The following MAP4K4 variants were observed in gnomAD, a reference collection of about 807,000 sequenced individuals.
MAP4K4 encodes the protein mitogen-activated protein kinase kinase kinase kinase 4, also known as HPK/GCK-like kinase HGK.
In MAP4K4, 38 loss-of-function variants were observed where a neutral mutation model predicts 189.6. That is an observed-to-expected ratio of 0.20 (90% CI 0.15 to 0.26). The LOEUF (loss-of-function observed/expected upper bound fraction) is 0.26. Ranked by LOEUF, MAP4K4 falls within the 10% of genes least tolerant of loss-of-function variation. The probability of loss-of-function intolerance (pLI) is 1.00; values close to 1 mark genes in which losing one functional copy is unlikely to be tolerated. For missense variants in MAP4K4, 1,054 were observed against 1,726.9 expected (o/e 0.61, Z 6.91); for synonymous variants, 610 against 624.3 (o/e 0.98, Z 0.34).
At chr2:101,720,600 A>G (rs1004214445) in intron 2 of MAP4K4, among the ~76,000 whole-genome samples, 2 of 152,224 alleles carry the variant, frequency 1.3e-5, no homozygotes, top group African/African-American at 4.8e-5. Flanking sequence ...TTTTTGCCTC[A>G]GATGATTAGA....
At chr2:101,862,438 T>G (rs900790630) in intron 16 of MAP4K4, among the ~76,000 whole-genome samples, 1 of 151,804 alleles carries the variant, frequency 6.6e-6, no homozygotes, top group Non-Finnish European at 1.5e-5. Flanking sequence ...TAAAAGAGGA[T>G]GAGAAGAGAG....
intron 9 of MAP4K4, 146 bp from the exon 10 acceptor site, chr2:101,839,671 TTA>T (rs1418301626): frequency 9.4e-6 from 6 of 638,890 alleles, no homozygotes; most frequent in Non-Finnish European, 1.6e-5. Context: ...GAGTTCCTAT[TTA>T]TGTTTCATAC....
rs774355122 is a variant in MAP4K4 at position 101,870,462 on chromosome 2, C to G, written c.2760+47C>G. The G allele has an allele frequency of 2.5e-6, 4 of 1,605,256 alleles. No individual in the cohort carries two copies. The South Asian group carries it at 4.5e-5, about 18-fold the overall frequency. On this transcript the variant is annotated intron_variant, in intron 23 of 32. Transcript: ENST00000324219. The stretch of plus-strand genomic sequence containing the variant: ...TCAGAGGCTGAGCTTCTCCTGTGGT[C>G]ATTAACCCACTTGCTCATTCACTCA...
chr2:101,779,506 G>A (rs2086161351), intron 2 of MAP4K4, among the ~76,000 whole-genome samples: 1 of 152,174 alleles, frequency 6.6e-6, no homozygotes, highest in South Asian at 2.1e-4. Context: ...ATATAACACT[G>A]AGGAAAACTC....
chr2:101,857,392 A>G (rs948971639), intron 13 of MAP4K4, among the ~76,000 whole-genome samples: 1 of 152,160 alleles, frequency 6.6e-6, no homozygotes, highest in African/African-American at 2.4e-5. Context: ...TTGTTTGTTC[A>G]TTGACTATGT....
At chr2:101,823,907 T>C (rs1028178724) in intron 3 of MAP4K4, 21 bp from the exon 4 acceptor site, 2 of 1,580,118 alleles carry the variant, frequency 1.3e-6, no homozygotes. Flanking sequence ...GCCACACATT[T>C]TATTTTTATT....
At chr2:101,792,301 A>T (rs1051037553) in intron 3 of MAP4K4, among the ~76,000 whole-genome samples, 1 of 152,180 alleles carries the variant, frequency 6.6e-6, no homozygotes, top group Non-Finnish European at 1.5e-5. Flanking sequence ...ACTTGTAGGT[A>T]CAATTTTAAA....
chr2:101,829,704 A>G (rs1170320553), intron 6 of MAP4K4, 110 bp downstream of exon 6: 9 of 722,556 alleles, frequency 1.2e-5, no homozygotes, highest in East Asian at 5.6e-5. Context: ...CATGTTTTCT[A>G]TTTCTGTTCT....
intron 2 of MAP4K4, among the ~76,000 whole-genome samples, chr2:101,731,023 G>A (rs923857393): frequency 1.3e-5 from 2 of 151,496 alleles, no homozygotes; most frequent in Non-Finnish European, 2.9e-5. Flanking sequence ...TCTAGCCTGG[G>A]CGACAGAGGG....
chr2:101,719,203 G>T (rs935315556), intron 2 of MAP4K4, among the ~76,000 whole-genome samples: 1 of 152,170 alleles, frequency 6.6e-6, no homozygotes, highest in Non-Finnish European at 1.5e-5. Context: ...ATCTGTCTGG[G>T]TTGGGTTGGA....
At chr2:101,786,570 C>G (rs2091320860) in intron 2 of MAP4K4, among the ~76,000 whole-genome samples, 1 of 152,176 alleles carries the variant, frequency 6.6e-6, no homozygotes, top group Non-Finnish European at 1.5e-5. Context: ...CATGCTATGT[C>G]TGCTAACCCT....
At chr2:101,798,181 G>A in intron 3 of MAP4K4, among the ~76,000 whole-genome samples, 1 of 151,416 alleles carries the variant, frequency 6.6e-6, no homozygotes, top group East Asian at 1.9e-4. Context: ...CCAAAGTGCT[G>A]GGATTTACAG....
chr2:101,707,783 C>T (rs1208192348), intron 2 of MAP4K4, among the ~76,000 whole-genome samples: 2 of 151,382 alleles, frequency 1.3e-5, no homozygotes, highest in South Asian at 2.1e-4. Context: ...TTCTGCCTCC[C>T]GGGTTCACGC....
At chr2:101,870,621 C>T (rs985701740) in intron 23 of MAP4K4, 6 of 570,318 alleles carry the variant, frequency 1.1e-5, no homozygotes, top group Admixed American at 3.2e-5. Flanking sequence ...CACCCCACAT[C>T]GCTGCTCCTC....
At chr2:101,834,053 A>G (rs2096665543) in intron 7 of MAP4K4, among the ~76,000 whole-genome samples, 1 of 152,362 alleles carries the variant, frequency 6.6e-6, no homozygotes, top group East Asian at 1.9e-4. Flanking sequence ...AGAAACATAC[A>G]GTAGTTCACA....
At chr2:101,816,335 G>A (rs926829666) in intron 3 of MAP4K4, among the ~76,000 whole-genome samples, 1 of 152,172 alleles carries the variant, frequency 6.6e-6, no homozygotes, top group African/African-American at 2.4e-5. Context: ...GTAAGCACGA[G>A]CTCTGGTGCC....
At chr2:101,704,563 A>ATTTTT (rs1559013874) in intron 2 of MAP4K4, among the ~76,000 whole-genome samples, 58 of 47,196 alleles carry the variant, frequency 1.2e-3, no homozygotes, top group African/African-American at 2.4e-3. Context: ...ATATATATAT[A>ATTTTT]TATATTTTTT....
Position 101,842,698 on chromosome 2 carries a change from T to C in MAP4K4, c.1022+17T>C. ...AGAGCCAAGGTAACCACAAAGCCAC[T>C]GTTCAGTATCCTGCTTTATGAAGGG... is the stretch of plus-strand genomic sequence containing the variant. On this transcript the variant is annotated intron_variant, in intron 11 of 32. Coordinates refer to ENST00000324219, the Ensembl canonical transcript of MAP4K4. 6.3e-7 allele frequency: 1 copy of C among 1,594,430 alleles called. No homozygotes were observed. Among genetic ancestry groups the C allele is most frequent in the Non-Finnish European group, 8.6e-7 (1 of 1,168,508 alleles).
intron 3 of MAP4K4, among the ~76,000 whole-genome samples, chr2:101,807,368 T>C (rs1188132652): frequency 2.0e-5 from 3 of 152,110 alleles, no homozygotes; most frequent in Admixed American, 6.5e-5. Context: ...CTCCTGGACA[T>C]GTCACCTGTA....
Sources: allele counts gnomAD v4.1 joint callset (sites outside exome capture counted in the v4.1 genomes callset), GRCh38; gene constraint gnomAD v4.1.1; transcripts MANE v1.5; gene names NCBI Gene and HGNC (gene_info 2026-07-23, HGNC 2026-07-21).